The following NFRKB variants were observed in gnomAD, a reference collection of about 807,000 sequenced individuals.
NFRKB encodes the protein nuclear factor related to kappaB binding protein.
A neutral mutation model predicts 135.7 loss-of-function variants in NFRKB; 62 were observed. The ratio of observed to expected loss-of-function variants is 0.46; its 90% CI spans 0.37 to 0.56. The LOEUF (loss-of-function observed/expected upper bound fraction) is 0.56. Ranked by LOEUF, NFRKB falls within the 20% of genes least tolerant of loss-of-function variation. NFRKB has a pLI of 0.00. For synonymous variants in NFRKB, 678 were observed against 635.6 expected (o/e 1.07, Z -1.00); for missense variants, 1,545 against 1,662.0 (o/e 0.93, Z 1.22).
chr11:129,882,611 G>A lies in NFRKB; in HGVS notation c.922C>T (p.Leu308Phe). 6.2e-7 allele frequency: 1 copy of A among 1,612,976 alleles called. No homozygotes were observed. Among genetic ancestry groups the A allele is most frequent in the South Asian group, 1.1e-5 (1 of 91,020 alleles). Residue 308 changes from leucine (L) to phenylalanine (F), a missense_variant, in exon 10 of 27, where the codon CTT (leucine) becomes TTT (phenylalanine). Leu to Phe is a conservative substitution (Grantham distance 22). Coordinates refer to ENST00000682444, the MANE Select transcript of NFRKB (RefSeq NM_001143835.2). Reference sequence around the variant, plus strand: ...TCTTTTTCCTTAACCTTTTTTTTAAGGACAGCCAAGTCATATAAGGCTAGA... The same window carrying A: ...TCTTTTTCCTTAACCTTTTTTTTAAAGACAGCCAAGTCATATAAGGCTAGA... Reference protein sequence around the residue: ...SLAALYDLAVLKKKVKEKEEK... With the variant: ...SLAALYDLAVFKKKVKEKEEK...
Position 129,883,210 on chromosome 11 carries a change from G to A in NFRKB, c.817-4C>T. 6.2e-7 allele frequency: 1 copy of A among 1,613,736 alleles called. No homozygotes were observed. The highest frequency in any genetic ancestry group is 1.3e-5 in the African/African-American group (1 of 75,034). The stretch of plus-strand genomic sequence containing the variant: ...CTGTCAAAAGGTCCGGGTGATCCTA[G>A]ATGTGATATCCAGAATTTGGTCATG... On this transcript the variant is annotated splice_polypyrimidine_tract_variant and splice_region_variant and intron_variant, in intron 8 of 26. Coordinates refer to ENST00000682444, the MANE Select transcript of NFRKB (RefSeq NM_001143835.2).
chr11:129,879,369 T>C (rs1948921686), intron 13 of NFRKB, among the ~76,000 whole-genome samples: 1 of 152,134 alleles, frequency 6.6e-6, no homozygotes, highest in South Asian at 2.1e-4. Flanking sequence ...CAGGCCCAGG[T>C]ATATGTGCTC....
chr11:129,894,197 A>C (rs1207949918), intron 2 of NFRKB, 162 bp downstream of exon 2: 1 of 152,246 alleles, frequency 6.6e-6, no homozygotes, highest in Non-Finnish European at 1.5e-5. Context: ...GCTTAAACTC[A>C]ATCACTCTAC....
chr11:129,886,559 G>A, intron 4 of NFRKB, 115 bp from the exon 5 acceptor site: 2 of 951,568 alleles, frequency 2.1e-6, no homozygotes, highest in African/African-American at 1.6e-5. Flanking sequence ...AAACTTAAGG[G>A]AAAAGTGAAC....
chr11:129,865,814 T>TGGTA lies in NFRKB; in HGVS notation c.3638+59_3638+62dup, dbSNP rs1948161586. 4 of 1,462,724 alleles carry TGGTA rather than the reference T, an allele frequency of 2.7e-6. No individual in the cohort carries two copies. In the South Asian group the frequency reaches 4.6e-5, roughly 17 times the overall value. The allele number at this position is 1,462,724 out of a possible 1,614,324, so 90.6% of individuals were successfully genotyped here. ...CACTTTGCCACTCGGTGACAAGGAC[T>TGGTA]GGTAAGCCCTGCCTGCCACCTCCAC... is the stretch of plus-strand genomic sequence containing the variant. On this transcript the variant is annotated intron_variant, in intron 25 of 26. Transcript: ENST00000682444.
At chr11:129,873,357 A>C (rs1948608296) in intron 22 of NFRKB, among the ~76,000 whole-genome samples, 1 of 152,252 alleles carries the variant, frequency 6.6e-6, no homozygotes, top group African/African-American at 2.4e-5. Flanking sequence ...TTTTATAGCA[A>C]AGGAAACTGA....
At chr11:129,877,444 G>T in intron 15 of NFRKB, 59 bp from the exon 16 acceptor site, 1 of 1,480,290 alleles carries the variant, frequency 6.8e-7, no homozygotes, top group Non-Finnish European at 9.4e-7. Context: ...CAGACCCATT[G>T]CCCCTGCTTC....
At position 129,864,782 on chromosome 11, in the gene NFRKB, G is replaced by A. The variant is rs1948109836; in HGVS notation, c.3843C>T (p.Val1281=). The A allele has an allele frequency of 6.2e-7, 1 of 1,614,238 alleles. No homozygotes were observed. Among genetic ancestry groups the A allele is most frequent in the Non-Finnish European group, 8.5e-7 (1 of 1,180,038 alleles). The part of the protein sequence containing the change: ...QGTASGSSKA[V]STVVVTTAPS... Reference sequence around the variant, plus strand: ...GAGCTGTAGTCACAACAACAGTGGAGACTGCTTTGGAGGAGCCAGAAGCTG... The same window carrying A: ...GAGCTGTAGTCACAACAACAGTGGAAACTGCTTTGGAGGAGCCAGAAGCTG... Residue 1281 remains valine (V), a synonymous_variant, in exon 27 of 27, where the codon GTC becomes GTT. Coordinates refer to ENST00000682444, the MANE Select transcript of NFRKB (RefSeq NM_001143835.2).
intron 13 of NFRKB, among the ~76,000 whole-genome samples, chr11:129,878,905 G>T (rs931351531): frequency 6.6e-6 from 1 of 152,198 alleles, no homozygotes. Context: ...CATCACAAAG[G>T]ATGTCATCAT....
intron 3 of NFRKB, among the ~76,000 whole-genome samples, chr11:129,890,008 T>G (rs936569301): frequency 1.4e-5 from 2 of 146,182 alleles, no homozygotes; most frequent in African/African-American, 5.0e-5. Context: ...CGCTTCTGTG[T>G]GATACTTTTT....
intron 24 of NFRKB, 65 bp from the exon 25 acceptor site, chr11:129,866,048 C>T: frequency 7.3e-7 from 1 of 1,362,912 alleles, no homozygotes; most frequent in Non-Finnish European, 1.0e-6. Flanking sequence ...AGTGTCACCT[C>T]CAGGGCATCA....
At chr11:129,875,705 G>T (rs1948734719) in intron 17 of NFRKB, among the ~76,000 whole-genome samples, 2 of 121,324 alleles carry the variant, frequency 1.6e-5, no homozygotes, top group Admixed American at 1.0e-4. Flanking sequence ...CACCCAGGTT[G>T]AGGTGCAAGG....
chr11:129,878,192 C>T (rs1948861087), intron 15 of NFRKB, 117 bp downstream of exon 15: 2 of 1,086,928 alleles, frequency 1.8e-6, no homozygotes, highest in Admixed American at 2.3e-5. Flanking sequence ...CAGGGGACTC[C>T]TCAGAGCTCT....
intron 3 of NFRKB, among the ~76,000 whole-genome samples, chr11:129,889,888 CAGTGGTCTT>C (rs1344346212): frequency 1.3e-5 from 2 of 151,060 alleles, no homozygotes; most frequent in African/African-American, 4.9e-5. Flanking sequence ...TGGTGGGCTT[CAGTGGTCTT>C]AGTAGTGTCC....
chr11:129,876,570 G>T (rs538037085), intron 17 of NFRKB, 151 bp downstream of exon 17: 35 of 745,592 alleles, frequency 4.7e-5, no homozygotes, highest in African/African-American at 3.7e-4. Context: ...GTCCCCTTCA[G>T]CTCCCAAACT....
chr11:129,874,711 A>G lies in NFRKB; in HGVS notation c.1978+82T>C. 4 of 1,609,736 alleles carry G rather than the reference A, an allele frequency of 2.5e-6. No homozygotes were observed. In the South Asian group the frequency reaches 4.4e-5, roughly 18 times the overall value. On this transcript the variant is annotated intron_variant, in intron 19 of 26. Coordinates refer to ENST00000682444, the MANE Select transcript of NFRKB (RefSeq NM_001143835.2). This position sits in a 1 kb window ranked among gnomAD's most constrained non-coding sequence, Gnocchi z 4.5. ...TACCATCTTGTCCTACCTATATGCCAATGAAAAGAATAATGGAATTGGGGT... is the reference window on the plus strand; with the variant it reads ...TACCATCTTGTCCTACCTATATGCCGATGAAAAGAATAATGGAATTGGGGT...
In NFRKB at chr11:129,888,405, T is replaced by C. The variant is rs7930188; in HGVS notation, c.337+189A>G. The C allele has an allele frequency of 9.8e-4, 686 of 701,946 alleles. 6 individuals carry two copies. In the African/African-American group the frequency reaches 0.011, roughly 11 times the overall value. The allele number at this position is 701,946 out of a possible 1,614,324, so 43.5% of individuals were successfully genotyped here. ...CTGAATTCATATTATGTATTTTCTA[T>C]ATAAGTCAATACATTTTTGTTTTTT... On this transcript the variant is annotated intron_variant, in intron 4 of 26. Coordinates refer to ENST00000682444, the MANE Select transcript of NFRKB (RefSeq NM_001143835.2).
rs149376492 is a variant in NFRKB, at chr11:129,878,518, T to C, written c.1410A>G (p.Glu470=). 1.9e-4 allele frequency: 301 copies of C among 1,614,090 alleles called. No homozygotes were observed. The highest frequency in any genetic ancestry group is 1.5e-3 in the South Asian group (133 of 91,076). ...LLGQSQDNEK[E]LAALFQLWLE... ...GCCATAGCTGGAAGAGGGCAGCTAA[T>C]TCCTTTTCATTATCTTGGGATTGGC... Residue 470 remains glutamate (E), a synonymous_variant, in exon 14 of 27, where the codon GAA becomes GAG. Coordinates refer to ENST00000682444, the MANE Select transcript of NFRKB (RefSeq NM_001143835.2).
In NFRKB at chr11:129,881,850, C is replaced by G. The variant is rs1221861012; in HGVS notation, c.1195G>C (p.Glu399Gln). The change falls in exon 12 of 27, where the codon GAG (glutamate) becomes CAG (glutamine). Residue 399 changes from glutamate (E) to glutamine (Q), a missense_variant. Around this residue, in one of 3 missense-constraint regions of NFRKB, gnomAD observed 678 missense variants for 646.7 expected, o/e 1.05. Transcript: ENST00000682444. The stretch of plus-strand genomic sequence containing the variant: ...GACTGCCAATCCAAAACTCGCTCCT[C>G]TAGCTGAGGGAAAGCAAAGGCAGAA... The part of the protein sequence containing the change: ...LESQASLPML[E>Q]ERVLDWQSSP... 10 of 1,601,194 alleles carry G rather than the reference C, an allele frequency of 6.2e-6. No individual in the cohort carries two copies. The Admixed American group carries it at 1.7e-4, about 28-fold the overall frequency.
Sources: gnomAD v4.1 joint callset for allele counts (sites outside exome capture counted in the v4.1 genomes callset) on GRCh38, gnomAD v4.1.1 for gene constraint, gnomAD v4.1.1 regional missense constraint, Gnocchi (gnomAD v3.1) non-coding constraint, MANE v1.5 for transcripts, NCBI Gene and HGNC (gene_info 2026-07-23, HGNC 2026-07-21) for gene names.